Variants in EMID1 observed in about 807,000 individuals in gnomAD.
EMID1 encodes the protein EMI domain containing 1, also known as EMI domain-containing protein 1.
EMID1 carries 40 observed loss-of-function variants against 60.6 expected under a neutral mutation model. The ratio of observed to expected loss-of-function variants is 0.66; its 90% CI spans 0.51 to 0.86. The LOEUF is 0.86. Among genes scored for constraint, EMID1 ranks in the 40% least tolerant of loss-of-function variants. The pLI is 0.00. For missense variants in EMID1, 585 were observed against 597.1 expected (o/e 0.98, Z 0.21); for synonymous variants, 242 against 231.0 (o/e 1.05, Z -0.43).
rs533015021 is a variant in EMID1 at position 29,255,343 on chromosome 22, G to T, written c.1204+1056G>T. The T allele has an allele frequency of 2.1e-3, 3,184 of 1,514,740 alleles. 9 individuals are homozygous for T. The highest frequency in any genetic ancestry group is 8.3e-3 in the South Asian group (660 of 79,392). The allele number at this position is 1,514,740 out of a possible 1,614,324, so 93.8% of individuals were successfully genotyped here. A position where few individuals can be genotyped will look rare whatever the true frequency, so the allele number is the denominator to read the frequency against. Reference sequence around the variant, plus strand: ...CCTGGCCAGACGGGTCACCCTCCTGGAAGCCATCATCTGGCCAGGTAATGG... The same window carrying T: ...CCTGGCCAGACGGGTCACCCTCCTGTAAGCCATCATCTGGCCAGGTAATGG... On this transcript the variant is annotated intron_variant, in intron 14 of 14. Transcript: ENST00000334018.
intron 3 of EMID1, among the ~76,000 whole-genome samples, chr22:29,224,169 G>A (rs1049987586): frequency 6.6e-6 from 1 of 152,222 alleles, no homozygotes; most frequent in Non-Finnish European, 1.5e-5. Context: ...CTCCGCTGGG[G>A]GCTGGCCAGA....
chr22:29,223,553 C>T (rs1327615215), intron 3 of EMID1, among the ~76,000 whole-genome samples: 2 of 152,224 alleles, frequency 1.3e-5, no homozygotes, highest in Non-Finnish European at 2.9e-5. Flanking sequence ...CCCCCACCTC[C>T]ACCAACCAAA....
intron 13 of EMID1, among the ~76,000 whole-genome samples, chr22:29,247,564 G>A (rs916054274): frequency 6.6e-6 from 1 of 152,174 alleles, no homozygotes; most frequent in Non-Finnish European, 1.5e-5. Context: ...CAACACAGTC[G>A]TAAGTATTTG....
At chr22:29,207,325 G>A (rs888926533) in intron 1 of EMID1, among the ~76,000 whole-genome samples, 9 of 152,186 alleles carry the variant, frequency 5.9e-5, no homozygotes, top group Admixed American at 4.6e-4. Context: ...AGTCGGCTCC[G>A]TTACCTGCAT....
chr22:29,254,513 C>A, intron 14 of EMID1: 1 of 531,718 alleles, frequency 1.9e-6, no homozygotes, highest in Non-Finnish European at 3.4e-6. Context: ...CTGCTGTGGT[C>A]AGACCTGGGC....
intron 3 of EMID1, among the ~76,000 whole-genome samples, chr22:29,223,801 A>G (rs569732276): frequency 1.3e-5 from 2 of 152,210 alleles, no homozygotes; most frequent in Non-Finnish European, 2.9e-5. Flanking sequence ...GGTGAATTGG[A>G]GGTGATACTA....
intron 1 of EMID1, among the ~76,000 whole-genome samples, chr22:29,212,148 G>T (rs2039911749): frequency 6.6e-6 from 1 of 152,124 alleles, no homozygotes; most frequent in Non-Finnish European, 1.5e-5. Flanking sequence ...ACCACGCCCA[G>T]CTAATTTTTG....
Position 29,258,907 on chromosome 22 carries a change from G to A in EMID1, c.1295G>A (p.Arg432Gln), listed in dbSNP as rs138347786. 1.2e-4 allele frequency: 189 copies of A among 1,613,374 alleles called. No individual in the cohort carries two copies. In the African/African-American group the frequency reaches 2.1e-3, roughly 18 times the overall value. ...AGGGGCGGACATGCAACCAACTACC[G>A]GATCGTGGCCCCCAGGAGCCGGGAC... is the stretch of plus-strand genomic sequence containing the variant. Reference protein sequence around the residue: ...GKRGGHATNYRIVAPRSRDER... With the variant: ...GKRGGHATNYQIVAPRSRDER... The change falls in exon 15 of 15, where the codon CGG becomes CAG. Residue 432 changes from arginine (R) to glutamine (Q), a missense_variant. Arg to Gln is a conservative substitution (Grantham distance 43). Coordinates refer to ENST00000334018, the MANE Select transcript of EMID1 (RefSeq NM_133455.4).
chr22:29,224,908 C>A (rs1346369247), intron 3 of EMID1, among the ~76,000 whole-genome samples: 1 of 152,202 alleles, frequency 6.6e-6, no homozygotes, highest in Non-Finnish European at 1.5e-5. Flanking sequence ...CATCTATGGC[C>A]CCCGCCCCAT....
intron 14 of EMID1, among the ~76,000 whole-genome samples, chr22:29,257,698 C>T (rs902574387): frequency 1.3e-5 from 2 of 152,224 alleles, no homozygotes; most frequent in African/African-American, 4.8e-5. Flanking sequence ...CCGTGAAAAC[C>T]ACTTTCCAGT....
At chr22:29,235,348 CAAA>C (rs3066718) in intron 12 of EMID1, among the ~76,000 whole-genome samples, 18,746 of 113,392 alleles carry the variant, frequency 0.17, 1,413 homozygotes, top group African/African-American at 0.31. Flanking sequence ...GACTTCATCT[CAAA>C]AAAAAAAAAA....
intron 14 of EMID1, among the ~76,000 whole-genome samples, chr22:29,256,288 C>T (rs907126281): frequency 2.0e-5 from 3 of 151,918 alleles, no homozygotes; most frequent in Non-Finnish European, 2.9e-5. Context: ...GCCTGGGCAA[C>T]ATGGCGAAAC....
intron 3 of EMID1, among the ~76,000 whole-genome samples, chr22:29,219,613 CA>C (rs549506114): frequency 4.7e-5 from 7 of 148,326 alleles, no homozygotes; most frequent in East Asian, 2.0e-4. Context: ...GACCCTATCT[CA>C]AAAAAAAAAG....
intron 14 of EMID1, among the ~76,000 whole-genome samples, chr22:29,255,765 G>C (rs1361126499): frequency 2.6e-5 from 4 of 152,172 alleles, no homozygotes; most frequent in Admixed American, 6.5e-5. Flanking sequence ...GGGTCAGGGA[G>C]GTCTTCCTGG....
chr22:29,231,979 G>A, intron 7 of EMID1: 1 of 588,062 alleles, frequency 1.7e-6, no homozygotes, highest in East Asian at 2.9e-5. Flanking sequence ...GCAGGGCTGG[G>A]CAGAGGAGAA....
At chr22:29,239,714 G>A (rs73156508) in intron 12 of EMID1, among the ~76,000 whole-genome samples, 73 of 151,928 alleles carry the variant, frequency 4.8e-4, no homozygotes, top group Non-Finnish European at 7.6e-4. Flanking sequence ...TAGTGAGAAG[G>A]TATTGGGGAA....
chr22:29,230,886 G>T, intron 5 of EMID1, 134 bp from the exon 6 acceptor site: 1 of 1,201,638 alleles, frequency 8.3e-7, no homozygotes, highest in Non-Finnish European at 1.1e-6. Flanking sequence ...AGCCCGGGTG[G>T]TTGAGGCTGC....
intron 3 of EMID1, among the ~76,000 whole-genome samples, chr22:29,222,901 C>T (rs1164165765): frequency 6.6e-6 from 1 of 152,092 alleles, no homozygotes; most frequent in Non-Finnish European, 1.5e-5. Context: ...ACCATCCTGG[C>T]TAATACGGTG....
intron 3 of EMID1, among the ~76,000 whole-genome samples, chr22:29,223,402 CT>C (rs1471144700): frequency 1.3e-5 from 2 of 152,380 alleles, no homozygotes. Flanking sequence ...ATGGCCGCTT[CT>C]TTTGGTCAAC....
Sources: gnomAD v4.1 joint callset for allele counts (sites outside exome capture counted in the v4.1 genomes callset) on GRCh38, gnomAD v4.1.1 for gene constraint, MANE v1.5 for transcripts, NCBI Gene and HGNC (gene_info 2026-07-23, HGNC 2026-07-21) for gene names.